The following AGTPBP1 variants were observed in gnomAD, a reference collection of about 807,000 sequenced individuals.
AGTPBP1 encodes the protein ATP/GTP binding carboxypeptidase 1.
Under a neutral mutation model 143.9 loss-of-function variants are expected in AGTPBP1, and 70 were observed. The observed-to-expected ratio is 0.49, with a 90% CI of 0.40 to 0.59. The LOEUF is 0.59. Among genes scored for constraint, AGTPBP1 ranks in the 20% least tolerant of loss-of-function variants. The pLI is 0.00. For missense variants in AGTPBP1, 1,229 were observed against 1,464.5 expected (o/e 0.84, Z 2.62); for synonymous variants, 463 against 500.2 (o/e 0.93, Z 0.99).
chr9:85,626,619 A>G (rs1831311007), intron 14 of AGTPBP1, among the ~76,000 whole-genome samples: 1 of 152,194 alleles, frequency 6.6e-6, no homozygotes, highest in African/African-American at 2.4e-5. Flanking sequence ...CCTGAACTAT[A>G]TTTGATATTT....
chr9:85,678,064 A>G (rs1834944542), intron 5 of AGTPBP1, among the ~76,000 whole-genome samples: 1 of 152,200 alleles, frequency 6.6e-6, no homozygotes, highest in Admixed American at 6.5e-5. Context: ...AATCTCATTT[A>G]TTTAGAAAAT....
chr9:85,586,703 C>A, intron 22 of AGTPBP1, 128 bp downstream of exon 22: 2 of 1,148,818 alleles, frequency 1.7e-6, no homozygotes, highest in Non-Finnish European at 2.4e-6. Flanking sequence ...AAACATTCAA[C>A]CTTATAAAAT....
intron 6 of AGTPBP1, among the ~76,000 whole-genome samples, chr9:85,675,128 C>T (rs1026424096): frequency 7.9e-5 from 12 of 152,220 alleles, no homozygotes; most frequent in Non-Finnish European, 1.0e-4. Flanking sequence ...AAACTCCTGA[C>T]CTCGTGATCT....
the AGTPBP1 span, among the ~76,000 whole-genome samples, chr9:85,780,998 T>G: frequency 9.9e-5 from 15 of 152,186 alleles, 1 homozygote; most frequent in South Asian, 1.7e-3. Context: ...GCACCTGTAG[T>G]CCCAGCTACT....
intron 25 of AGTPBP1, among the ~76,000 whole-genome samples, chr9:85,559,965 T>G (rs1252559147): frequency 2.6e-5 from 4 of 152,204 alleles, no homozygotes; most frequent in Admixed American, 2.0e-4. Context: ...CTCCGTATTT[T>G]CACTATTTTC....
chr9:85,769,258 G>T, the AGTPBP1 span, among the ~76,000 whole-genome samples: 2 of 152,072 alleles, frequency 1.3e-5, no homozygotes, highest in Non-Finnish European at 2.9e-5. Flanking sequence ...AAGATAGTCT[G>T]CCACAGGAAC....
chr9:85,621,197 C>A lies in AGTPBP1; in HGVS notation c.2099+5G>T. On this transcript the variant is annotated splice_donor_5th_base_variant and intron_variant, in intron 15 of 25. Transcript: ENST00000357081. ...TAATAAAAGTTCATTAAAATCAAGA[C>A]TTACTTTGGGTTATCCAAGTCATAT... 7.0e-7 allele frequency: 1 copy of A among 1,429,512 alleles called. No homozygotes were observed. Among genetic ancestry groups the A allele is most frequent in the Non-Finnish European group, 9.2e-7 (1 of 1,086,038 alleles). The allele number at this position is 1,429,512 out of a possible 1,614,324, so 88.6% of individuals were successfully genotyped here.
intron 3 of AGTPBP1, among the ~76,000 whole-genome samples, chr9:85,684,131 G>A (rs1449948837): frequency 6.6e-6 from 1 of 152,118 alleles, no homozygotes; most frequent in Non-Finnish European, 1.5e-5. Flanking sequence ...ATCACCATCT[G>A]CCCTGCCATA....
the AGTPBP1 span, among the ~76,000 whole-genome samples, chr9:85,799,438 C>T: frequency 6.6e-6 from 1 of 152,256 alleles, no homozygotes; most frequent in South Asian, 2.1e-4. Flanking sequence ...CTAATTTACA[C>T]AGGCAGGAGG....
chr9:85,643,018 A>C (rs903284488), intron 12 of AGTPBP1, 75 bp from the exon 13 acceptor site: 4 of 950,392 alleles, frequency 4.2e-6, no homozygotes, highest in Non-Finnish European at 4.9e-6. Context: ...TTAGATTTAA[A>C]ATGTTCCAAG....
the AGTPBP1 span, among the ~76,000 whole-genome samples, chr9:85,750,379 G>A: frequency 1.3e-5 from 2 of 152,082 alleles, no homozygotes; most frequent in Non-Finnish European, 2.9e-5. Flanking sequence ...ACTCAGATGG[G>A]TGTAACATTT....
rs1406679675 is a variant in AGTPBP1, at chr9:85,547,140, T to G, written c.3650A>C (p.Asp1217Ala). Residue 1217 changes from aspartate (D) to alanine (A), a missense_variant, in exon 26 of 26, where the codon GAC becomes GCC. Asp to Ala is a moderately radical substitution (Grantham distance 126, BLOSUM62 -2). Around this residue, in one of 2 missense-constraint regions of AGTPBP1, gnomAD observed 486 missense variants for 652.3 expected, o/e 0.75. Transcript: ENST00000357081. ...TAGGTATGTTCTTGATAATTCAGAG[T>G]CAGAAAGTACTTCTTCTTGAGCAGA... ...EPSAQEEVLS[D>A]SELSRTYLP 1.3e-5 allele frequency: 21 copies of G among 1,612,066 alleles called. No individual in the cohort carries two copies. The highest frequency in any genetic ancestry group is 1.4e-5 in the Non-Finnish European group (17 of 1,179,312).
chr9:85,631,414 G>A (rs1831670177), intron 14 of AGTPBP1, among the ~76,000 whole-genome samples: 1 of 152,192 alleles, frequency 6.6e-6, no homozygotes, highest in Non-Finnish European at 1.5e-5. Context: ...AGCTTTACAT[G>A]GGCCTTTTGA....
intron 7 of AGTPBP1, among the ~76,000 whole-genome samples, chr9:85,671,520 T>C (rs2134069641): frequency 6.6e-6 from 1 of 152,328 alleles, no homozygotes; most frequent in African/African-American, 2.4e-5. Context: ...CAGAGACATA[T>C]ACATAAGCTT....
the AGTPBP1 span, among the ~76,000 whole-genome samples, chr9:85,780,814 T>C: frequency 1.3e-5 from 2 of 152,194 alleles, no homozygotes; most frequent in African/African-American, 4.8e-5. Flanking sequence ...GTCCAGGGCC[T>C]ATGTTAAAAC....
rs1490282918 is a variant in AGTPBP1 at position 85,660,637 on chromosome 9, C to T, written c.700+299G>A. On this transcript the variant is annotated intron_variant, in intron 9 of 25. Coordinates refer to ENST00000357081, the MANE Select transcript of AGTPBP1 (RefSeq NM_001330701.2). ...TTAGCTTTACTTTCAAAACATGATA[C>T]TTATATATTTTCCTCTACTAATGGA... Among the ~76,000 whole-genome samples the T allele has an allele frequency of 3.3e-5, 5 of 152,098 alleles. No individual in the cohort carries two copies. The South Asian group carries it at 1.0e-3, about 32-fold the overall frequency.
In AGTPBP1 at chr9:85,677,445, C is replaced by T; in HGVS notation, c.427G>A (p.Gly143Arg). The change falls in exon 6 of 26, where the codon GGA becomes AGA. Residue 143 changes from glycine to arginine, a missense_variant. Gly to Arg is a moderately radical substitution (Grantham distance 125, BLOSUM62 -2). Transcript: ENST00000357081. The part of the protein sequence containing the change: ...VQIHSILAKI[G>R]PKDKKFGVKA... The stretch of plus-strand genomic sequence containing the variant: ...AAATGAAATCCCTTACCTTTTGGTC[C>T]AATCTTTGCAAGAATAGAATGAATC... The T allele has an allele frequency of 6.2e-7, 1 of 1,605,588 alleles. No homozygotes were observed. The highest frequency in any genetic ancestry group is 8.5e-7 in the Non-Finnish European group (1 of 1,176,430).
upstream of AGTPBP1, chr9:85,742,126 C>T (rs867238469): frequency 5.1e-5 from 46 of 897,232 alleles, no homozygotes; most frequent in African/African-American, 6.9e-4. Context: ...CGCGCTGCGC[C>T]CCGCCTCTCT....
chr9:85,799,108 T>C, the AGTPBP1 span, among the ~76,000 whole-genome samples: 72 of 152,278 alleles, frequency 4.7e-4, no homozygotes, highest in African/African-American at 1.7e-3. Context: ...TGTGATAGTT[T>C]GCTGAGAATG....
Sources: gnomAD v4.1 joint callset for allele counts (sites outside exome capture counted in the v4.1 genomes callset) on GRCh38, gnomAD v4.1.1 for gene constraint, gnomAD v4.1.1 regional missense constraint, MANE v1.5 for transcripts, NCBI Gene and HGNC (gene_info 2026-07-23, HGNC 2026-07-21) for gene names.